Variants in PRKCI observed in about 807,000 individuals in gnomAD.
PRKCI encodes protein kinase C iota, also known as protein kinase C iota type.
In PRKCI, 43 loss-of-function variants were observed where a neutral mutation model predicts 84.0. The ratio of observed to expected loss-of-function variants is 0.51; its 90% CI spans 0.40 to 0.66. The LOEUF (loss-of-function observed/expected upper bound fraction) is 0.66. Among genes scored for constraint, PRKCI ranks in the 30% least tolerant of loss-of-function variants. The pLI, the probability that PRKCI is intolerant of heterozygous loss-of-function variation, is 0.00. For synonymous variants in PRKCI, 216 were observed against 234.4 expected, an observed-to-expected ratio of 0.92 and a Z score of 0.72; for missense variants, 459 against 745.6, an observed-to-expected ratio of 0.62 and a Z score of 4.48.
Position 170,222,560 on chromosome 3 carries a change from G to T in PRKCI, c.-110G>T, listed in dbSNP as rs1732513351. The T allele has an allele frequency of 3.1e-6, 3 of 961,308 alleles. No individual in the cohort carries two copies. Among genetic ancestry groups the T allele is most frequent in the Non-Finnish European group, 4.4e-6 (3 of 676,136 alleles). The allele number at this position is 961,308 out of a possible 1,614,324, so 59.5% of individuals were successfully genotyped here. A position where few individuals can be genotyped will look rare whatever the true frequency, so the allele number is the denominator to read the frequency against. The stretch of plus-strand genomic sequence containing the variant: ...CTGCGGGCGAGGTGGGCAGGTAGGT[G>T]GGCGGACGGCCGCGGTTCTCCGGCA... On this transcript the variant is annotated 5_prime_UTR_variant, in exon 1 of 18. Coordinates refer to ENST00000295797, the MANE Select transcript of PRKCI (RefSeq NM_002740.6).
intron 2 of PRKCI, among the ~76,000 whole-genome samples, chr3:170,238,498 A>G (rs1262847448): frequency 7.4e-5 from 11 of 148,438 alleles, no homozygotes; most frequent in African/African-American, 2.7e-4. Flanking sequence ...AGTATTACAT[A>G]TTATAGATGT....
rs56257047 is a variant in PRKCI, at chr3:170,270,498, C to G, written c.528C>G (p.Leu176=). 9 of 1,612,080 alleles carry G rather than the reference C, an allele frequency of 5.6e-6. No individual in the cohort carries two copies. In the Admixed American group the frequency reaches 8.4e-5, roughly 15 times the overall value. Residue 176 remains leucine (L), a synonymous_variant, in exon 6 of 18, where the codon CTC becomes CTG. Transcript: ENST00000295797. ...GATATAAGTGCATCAACTGCAAACT[C>G]TTGGTTCATAAGAAGTGCCATAAAC... The part of the protein sequence containing the change: ...RQGYKCINCK[L]LVHKKCHKLV...
intron 2 of PRKCI, among the ~76,000 whole-genome samples, chr3:170,248,836 T>C (rs1462763689): frequency 6.7e-6 from 1 of 150,340 alleles, no homozygotes; most frequent in Non-Finnish European, 1.5e-5. Flanking sequence ...CAGAATTGGC[T>C]TTTTTCTTTT....
intron 15 of PRKCI, 72 bp from the exon 16 acceptor site, chr3:170,297,232 C>A: frequency 7.9e-7 from 1 of 1,264,910 alleles, no homozygotes; most frequent in South Asian, 1.2e-5. Context: ...GGGCACACAA[C>A]ACAGATCACA....
rs551852204 is a variant in PRKCI, at chr3:170,234,906, C to G, written c.102-324C>G. 3.2e-3 allele frequency among the ~76,000 whole-genome samples: 492 copies of G among 151,822 alleles called. 1 individual carries two copies. Among genetic ancestry groups the G allele is most frequent in the African/African-American group, 0.01 (432 of 41,388 alleles). The stretch of plus-strand genomic sequence containing the variant: ...TAACCTACACCTCCCATGTTCCCCC[C>G]CTGAGAAGGATCCTCCCACCTCAGC... On this transcript the variant is annotated intron_variant, in intron 1 of 17. Transcript: ENST00000295797.
intron 1 of PRKCI, among the ~76,000 whole-genome samples, chr3:170,224,392 A>G (rs1288080519): frequency 1.3e-5 from 2 of 151,732 alleles, no homozygotes; most frequent in East Asian, 3.9e-4. Flanking sequence ...TTGTCACAAG[A>G]GCTGTTTTGA....
chr3:170,261,786 AT>A (rs1733733637), intron 3 of PRKCI, among the ~76,000 whole-genome samples: 1 of 152,008 alleles, frequency 6.6e-6, no homozygotes, highest in South Asian at 2.1e-4. Flanking sequence ...GCCTGACCTG[AT>A]TTTTTTCTAC....
intron 4 of PRKCI, among the ~76,000 whole-genome samples, chr3:170,264,940 C>T (rs569486384): frequency 6.6e-6 from 1 of 151,976 alleles, no homozygotes; most frequent in Non-Finnish European, 1.5e-5. Flanking sequence ...AACCCTAGCA[C>T]TTTGGGAGGC....
At position 170,276,400 on chromosome 3, in the gene PRKCI, TTA is replaced by T. The variant is rs1315819715; in HGVS notation, c.705+1115_705+1116del. ...AAACCTGTTAGTCACCTATTTGATG[TTA>T]TGTTTTAGTTTCTTGTTCTGTTTGT... On this transcript the variant is annotated intron_variant, in intron 8 of 17. Coordinates refer to ENST00000295797, the MANE Select transcript of PRKCI (RefSeq NM_002740.6). Among the ~76,000 whole-genome samples the T allele has an allele frequency of 3.3e-5, 5 of 152,344 alleles. No homozygotes were observed. The East Asian group carries it at 7.7e-4, about 24-fold the overall frequency.
intron 2 of PRKCI, among the ~76,000 whole-genome samples, chr3:170,245,154 T>TG (rs947856409): frequency 5.9e-5 from 9 of 151,896 alleles, no homozygotes; most frequent in African/African-American, 1.9e-4. Context: ...GGTGGGTGGT[T>TG]GGGGGAAGTC....
chr3:170,293,613 T>C (rs2108865910), intron 14 of PRKCI, 105 bp downstream of exon 14: 2 of 1,277,316 alleles, frequency 1.6e-6, no homozygotes, highest in Non-Finnish European at 2.2e-6. Flanking sequence ...GAGCATAATC[T>C]GGAAAATATA....
intron 2 of PRKCI, among the ~76,000 whole-genome samples, chr3:170,246,461 T>C (rs1733288779): frequency 6.6e-6 from 1 of 151,960 alleles, no homozygotes; most frequent in African/African-American, 2.4e-5. Context: ...CCTAAATTTT[T>C]TATTTTATTT....
At position 170,303,100 on chromosome 3, in the gene PRKCI, T is replaced by G; in HGVS notation, c.1764T>G (p.Leu588=). 6.2e-7 allele frequency: 1 copy of G among 1,604,284 alleles called. No individual in the cohort carries two copies. The highest frequency in any genetic ancestry group is 8.5e-7 in the Non-Finnish European group (1 of 1,176,022). ...AAGGTTTTGAGTATATCAATCCTCT[T>G]TTGATGTCTGCAGAAGAATGTGTCT... ...EFEGFEYINP[L]LMSAEECV Residue 588 remains leucine, a synonymous_variant, in exon 18 of 18, where the codon CTT becomes CTG. Transcript: ENST00000295797.
chr3:170,279,144 C>T (rs983249895), intron 8 of PRKCI, among the ~76,000 whole-genome samples: 3 of 152,320 alleles, frequency 2.0e-5, no homozygotes, highest in African/African-American at 7.2e-5. Context: ...CCTCCCACCT[C>T]AGCCTCCCAG....
chr3:170,269,742 A>C (rs1733953916), intron 5 of PRKCI, among the ~76,000 whole-genome samples: 1 of 152,140 alleles, frequency 6.6e-6, no homozygotes. Context: ...GGATCACCTG[A>C]GGTCCAGGAG....
In PRKCI at chr3:170,296,008, G is replaced by T; in HGVS notation, c.1497+18G>T. 1 of 1,404,602 alleles carries T rather than the reference G, an allele frequency of 7.1e-7. No individual in the cohort carries two copies. Among genetic ancestry groups the T allele is most frequent in the South Asian group, 1.5e-5 (1 of 65,678 alleles). 87.0% of individuals were successfully genotyped at this position (1,404,602 alleles called of 1,614,324 possible). A position where few individuals can be genotyped will look rare whatever the true frequency, so the allele number is the denominator to read the frequency against. On this transcript the variant is annotated intron_variant, in intron 15 of 17. Transcript: ENST00000295797. ...TTAATAAGGTATAAATTGTGTATAA[G>T]AATATTTTGTGATTTGTCTCTTTCT...
intron 2 of PRKCI, among the ~76,000 whole-genome samples, chr3:170,248,371 TGG>T (rs34352223): frequency 7.6e-6 from 1 of 130,978 alleles, no homozygotes; most frequent in African/African-American, 2.8e-5. Context: ...GTAGATATAT[TGG>T]GGGGGGGAAA....
intron 2 of PRKCI, among the ~76,000 whole-genome samples, chr3:170,245,956 T>G (rs1352621001): frequency 5.5e-5 from 8 of 144,930 alleles, no homozygotes; most frequent in South Asian, 4.4e-4. Flanking sequence ...TTTGTTTTTT[T>G]TTTTTTTTTT....
chr3:170,251,736 CCT>C (rs780592411), intron 2 of PRKCI, among the ~76,000 whole-genome samples: 21 of 151,482 alleles, frequency 1.4e-4, no homozygotes, highest in Non-Finnish European at 2.6e-4. Context: ...ATGGTGAAAC[CCT>C]GTCTCTACTA....
Sources: gnomAD v4.1 joint callset for allele counts (sites outside exome capture counted in the v4.1 genomes callset) on GRCh38, gnomAD v4.1.1 for gene constraint, MANE v1.5 for transcripts, NCBI Gene and HGNC (gene_info 2026-07-23, HGNC 2026-07-21) for gene names.